TRAF3: variants seen among roughly 807,000 people sequenced by gnomAD.
TRAF3 encodes the protein TNF receptor-associated factor 3.
Under a neutral mutation model 62.3 loss-of-function variants are expected in TRAF3, and 13 were observed. That is an observed-to-expected ratio of 0.21 (90% CI 0.14 to 0.33). The LOEUF is 0.33. Ranked by LOEUF, TRAF3 falls within the 10% of genes least tolerant of loss-of-function variation. TRAF3 has a pLI of 1.00. For missense variants in TRAF3, 440 were observed against 741.8 expected, an observed-to-expected ratio of 0.59 and a Z score of 4.73; for synonymous variants, 269 against 283.4, an observed-to-expected ratio of 0.95 and a Z score of 0.51.
intron 10 of TRAF3, among the ~76,000 whole-genome samples, chr14:102,902,199 CG>C (rs1197832496): frequency 1.3e-5 from 2 of 152,222 alleles, no homozygotes; most frequent in African/African-American, 4.8e-5. Flanking sequence ...CTCGTGTGTT[CG>C]TGGCAGGGTT....
At chr14:102,893,220 C>CAA (rs1256677180) in intron 9 of TRAF3, among the ~76,000 whole-genome samples, 168 of 140,190 alleles carry the variant, frequency 1.2e-3, no homozygotes, top group African/African-American at 4.3e-3. Context: ...CCGTCTCTAC[C>CAA]AAAAAAAAAA....
intron 9 of TRAF3, chr14:102,895,207 A>G: frequency 4.5e-6 from 2 of 442,956 alleles, no homozygotes; most frequent in Non-Finnish European, 9.1e-6. Flanking sequence ...CAGGTTGATC[A>G]CTTGTAGGAG....
At chr14:102,862,032 C>T (rs1887708405) in intron 2 of TRAF3, among the ~76,000 whole-genome samples, 1 of 152,098 alleles carries the variant, frequency 6.6e-6, no homozygotes, top group Non-Finnish European at 1.5e-5. Context: ...ATTTGGTGCT[C>T]AAAAGTTTTT....
intron 2 of TRAF3, among the ~76,000 whole-genome samples, chr14:102,848,757 G>C (rs1251485624): frequency 6.6e-6 from 1 of 152,078 alleles, no homozygotes; most frequent in African/African-American, 2.4e-5. Context: ...GAAAATCCAG[G>C]CTGATTGTTC....
chr14:102,909,798 T>G lies in TRAF3; in HGVS notation c.*4014T>G, dbSNP rs1890769761. 6.6e-6 allele frequency: 1 copy of G among 152,248 alleles called. No homozygotes were observed. The highest frequency in any genetic ancestry group is 1.5e-5 in the Non-Finnish European group (1 of 68,080). The allele number at this position is 152,248 out of a possible 1,614,324, so 9.4% of individuals were successfully genotyped here. A position where few individuals can be genotyped will look rare whatever the true frequency, so the allele number is the denominator to read the frequency against. On this transcript the variant is annotated 3_prime_UTR_variant, in exon 12 of 12. Coordinates refer to ENST00000392745, the MANE Select transcript of TRAF3 (RefSeq NM_145725.3). ...CAGTCACCCTGGGCCAGGGGCCACG[T>G]GTCCCATGGATGTCGACCATGCCAA...
chr14:102,811,319 G>T lies in TRAF3; in HGVS notation c.-156-19015G>T, dbSNP rs1899118860. ...GTACCTTTTTTTTTTTTTTTCTTAA[G>T]AGAGAGTCTTGCTATGTTGCCTCAG... On this transcript the variant is annotated intron_variant, in intron 1 of 11. Coordinates refer to ENST00000392745, the MANE Select transcript of TRAF3 (RefSeq NM_145725.3). Among the ~76,000 whole-genome samples the T allele has an allele frequency of 2.7e-5, 4 of 148,334 alleles. No individual in the cohort carries two copies. The South Asian group carries it at 8.5e-4, about 32-fold the overall frequency.
intron 1 of TRAF3, chr14:102,809,000 A>G (rs908988400): frequency 9.3e-5 from 14 of 150,684 alleles, no homozygotes; most frequent in African/African-American, 3.2e-4. Flanking sequence ...TTATTTATTT[A>G]TTTTGAGATG....
At chr14:102,787,940 G>T (rs960014283) in intron 1 of TRAF3, among the ~76,000 whole-genome samples, 1 of 149,172 alleles carries the variant, frequency 6.7e-6, no homozygotes, top group African/African-American at 2.5e-5. Context: ...CAACCTATGC[G>T]TCCCAGGTTC....
chr14:102,839,083 C>G (rs1886205366), intron 2 of TRAF3, among the ~76,000 whole-genome samples: 1 of 152,086 alleles, frequency 6.6e-6, no homozygotes, highest in African/African-American at 2.4e-5. Flanking sequence ...CTTTTGCTTG[C>G]CCAGTGCCCT....
rs2139857842 is a variant in TRAF3, at chr14:102,876,478, G to A, written c.523G>A (p.Ala175Thr). The part of the protein sequence containing the change: ...HVEKACKYRE[A>T]TCSHCKSQVP... Reference sequence around the variant, plus strand: ...GGAGAAGGCGTGTAAATACCGGGAAGCCACATGCAGCCACTGCAAGAGTCA... The same window carrying A: ...GGAGAAGGCGTGTAAATACCGGGAAACCACATGCAGCCACTGCAAGAGTCA... The change falls in exon 6 of 12, where the codon GCC (alanine) becomes ACC (threonine). Residue 175 changes from alanine (A) to threonine (T), a missense_variant. This residue lies in a region of TRAF3 where 255 missense variants were observed against 424.1 expected (regional missense o/e 0.60). Coordinates refer to ENST00000392745, the MANE Select transcript of TRAF3 (RefSeq NM_145725.3). 3.7e-6 allele frequency: 6 copies of A among 1,614,062 alleles called. No individual in the cohort carries two copies. The highest frequency in any genetic ancestry group is 4.5e-5 in the East Asian group (2 of 44,902).
At chr14:102,825,898 G>A (rs574838060) in intron 1 of TRAF3, among the ~76,000 whole-genome samples, 9 of 152,216 alleles carry the variant, frequency 5.9e-5, no homozygotes, top group African/African-American at 1.7e-4. Flanking sequence ...ACCACCTCAC[G>A]CTACCTCTTT....
chr14:102,850,625 C>T (rs1452747498), intron 2 of TRAF3, among the ~76,000 whole-genome samples: 2 of 136,600 alleles, frequency 1.5e-5, no homozygotes, highest in Non-Finnish European at 3.0e-5. Context: ...ACCTGGGAGG[C>T]GTAGGATTGA....
At chr14:102,849,501 C>CA (rs1566773829) in intron 2 of TRAF3, among the ~76,000 whole-genome samples, 1 of 152,258 alleles carries the variant, frequency 6.6e-6, no homozygotes, top group African/African-American at 2.4e-5. Flanking sequence ...GGGATACTGA[C>CA]AATGCTGGGC....
intron 1 of TRAF3, among the ~76,000 whole-genome samples, chr14:102,816,995 G>C (rs188005725): frequency 6.6e-6 from 1 of 152,202 alleles, no homozygotes; most frequent in Non-Finnish European, 1.5e-5. Flanking sequence ...GGCATGTGAG[G>C]AAGGGGGTCC....
chr14:102,801,813 T>G (rs1180959693), intron 1 of TRAF3, among the ~76,000 whole-genome samples: 1 of 151,828 alleles, frequency 6.6e-6, no homozygotes, highest in Non-Finnish European at 1.5e-5. Context: ...GGTCAGGAGA[T>G]GGAGACCATC....
At chr14:102,895,940 G>T (rs762434673) in intron 9 of TRAF3, among the ~76,000 whole-genome samples, 1 of 152,110 alleles carries the variant, frequency 6.6e-6, no homozygotes, top group Non-Finnish European at 1.5e-5. Context: ...GGCCCCAAGG[G>T]TGTAGCACCC....
intron 6 of TRAF3, among the ~76,000 whole-genome samples, chr14:102,879,460 G>C (rs886099422): frequency 6.6e-6 from 1 of 151,964 alleles, no homozygotes; most frequent in African/African-American, 2.4e-5. Context: ...GTCTTGCCAT[G>C]TTGCCCAGTC....
Position 102,905,487 on chromosome 14 carries a change from C to T in TRAF3, c.1410C>T (p.His470=), listed in dbSNP as rs1310746375. The change falls in exon 12 of 12, where the codon CAC becomes CAT. Residue 470 remains histidine, a synonymous_variant. Transcript: ENST00000392745. ...GGGACGGGATGGGGAAGGGGACGCA[C>T]TTGTCGCTGTTTTTTGTCATCATGC... The part of the protein sequence containing the change: ...LNGDGMGKGT[H]LSLFFVIMRG... The T allele has an allele frequency of 2.5e-6, 4 of 1,614,140 alleles. No individual in the cohort carries two copies. Among genetic ancestry groups the T allele is most frequent in the South Asian group, 1.1e-5 (1 of 91,096 alleles).
chr14:102,794,916 CG>C (rs1897988665), intron 1 of TRAF3, among the ~76,000 whole-genome samples: 1 of 152,150 alleles, frequency 6.6e-6, no homozygotes, highest in South Asian at 2.1e-4. Context: ...TGGGTCCATA[CG>C]TTTTTTCTTC....
Sources: allele counts gnomAD v4.1 joint callset (sites outside exome capture counted in the v4.1 genomes callset), GRCh38; gene constraint gnomAD v4.1.1; regional missense constraint gnomAD v4.1.1; transcripts MANE v1.5; gene names NCBI Gene and HGNC (gene_info 2026-07-23, HGNC 2026-07-21).